RNFT2: variants seen among roughly 807,000 people sequenced by gnomAD.
RNFT2 encodes the protein ring finger protein, transmembrane 2.
Under a neutral mutation model 53.0 loss-of-function variants are expected in RNFT2, and 36 were observed. The observed-to-expected ratio is 0.68, with a 90% confidence interval of 0.52 to 0.90. RNFT2 has a LOEUF of 0.90. Ranked by LOEUF, RNFT2 falls within the 40% of genes least tolerant of loss-of-function variation. The pLI is 0.00. For missense variants in RNFT2, 514 were observed against 585.6 expected, an observed-to-expected ratio of 0.88 and a Z score of 1.26; for synonymous variants, 260 against 253.2, an observed-to-expected ratio of 1.03 and a Z score of -0.26.
In RNFT2 at chr12:116,844,126, A is replaced by G. The variant is rs183258516; in HGVS notation, c.1201-5188A>G. On this transcript the variant is annotated intron_variant, in intron 10 of 10. Coordinates refer to ENST00000257575, the MANE Select transcript of RNFT2 (RefSeq NM_001382266.1). ...TTGGCCTTTTCACTCTGGTTCTTTC[A>G]TGAGTATACAGTGGAGTTTTCCAGA... 3.9e-5 allele frequency among the ~76,000 whole-genome samples: 6 copies of G among 152,262 alleles called. No individual in the cohort carries two copies. The East Asian group carries it at 7.7e-4, about 20-fold the overall frequency.
Position 116,743,247 on chromosome 12 carries a change from G to GAAAAAAAAAAAAAAAA in RNFT2, c.83+2153_83+2154insAAAAAAAAAAAAAAAA, listed in dbSNP as rs1566066807. On this transcript the variant is annotated intron_variant, in intron 3 of 10. Coordinates refer to ENST00000257575, the MANE Select transcript of RNFT2 (RefSeq NM_001382266.1). Reference sequence around the variant, plus strand: ...AAAAAAAAAAAAAAAAAAAAAAACCGGTTAAAAAACACTCATGAGCTAGAA... The same window carrying GAAAAAAAAAAAAAAAA: ...AAAAAAAAAAAAAAAAAAAAAAACCGAAAAAAAAAAAAAAAAGTTAAAAAACACTCATGAGCTAGAA... Among the ~76,000 whole-genome samples the GAAAAAAAAAAAAAAAA allele has an allele frequency of 4.7e-4, 29 of 61,554 alleles. 2 individuals are homozygous for GAAAAAAAAAAAAAAAA. Among genetic ancestry groups the GAAAAAAAAAAAAAAAA allele is most frequent in the Admixed American group, 1.0e-3 (4 of 3,910 alleles). 40.4% of individuals were successfully genotyped at this position (61,554 alleles called of 152,430 possible). A position where few individuals can be genotyped will look rare whatever the true frequency, so the allele number is the denominator to read the frequency against.
intron 10 of RNFT2, among the ~76,000 whole-genome samples, chr12:116,845,000 T>G (rs765800893): frequency 5.3e-5 from 8 of 152,054 alleles, no homozygotes; most frequent in Non-Finnish European, 1.2e-4. Context: ...CCCAGCACTT[T>G]GAGAGGCCAA....
At chr12:116,820,031 TTTG>T (rs1311566665) in intron 7 of RNFT2, among the ~76,000 whole-genome samples, 2 of 152,204 alleles carry the variant, frequency 1.3e-5, no homozygotes, top group African/African-American at 4.8e-5. Flanking sequence ...TATTTTACCT[TTTG>T]TTGTTTTTCT....
At chr12:116,802,932 C>CA (rs60974249) in intron 7 of RNFT2, among the ~76,000 whole-genome samples, 8,673 of 140,750 alleles carry the variant, frequency 0.062, 409 homozygotes, top group East Asian at 0.2. Flanking sequence ...CTGTCTCTAC[C>CA]AAAAAAAAAA....
At chr12:116,752,910 A>G (rs528238089) in intron 4 of RNFT2, among the ~76,000 whole-genome samples, 54 of 152,254 alleles carry the variant, frequency 3.5e-4, no homozygotes, top group African/African-American at 1.2e-3. Context: ...CAGGTGAAAG[A>G]GGAATCCTGT....
intron 5 of RNFT2, among the ~76,000 whole-genome samples, chr12:116,763,689 G>GAATGGCGTGAACC (rs1263279954): frequency 6.6e-6 from 1 of 151,094 alleles, no homozygotes; most frequent in Non-Finnish European, 1.5e-5. Flanking sequence ...TGAGGCAGGA[G>GAATGGCGTGAACC]AATGGCGTGA....
intron 7 of RNFT2, among the ~76,000 whole-genome samples, chr12:116,817,553 T>C (rs1047985841): frequency 6.6e-6 from 1 of 152,234 alleles, no homozygotes; most frequent in Non-Finnish European, 1.5e-5. Flanking sequence ...TCAGTTCCTC[T>C]GATTTTCCTC....
At chr12:116,762,207 C>T (rs893256007) in intron 5 of RNFT2, among the ~76,000 whole-genome samples, 2 of 151,820 alleles carry the variant, frequency 1.3e-5, no homozygotes, top group African/African-American at 4.8e-5. Flanking sequence ...GGTGAAACCC[C>T]GTCTCTACTA....
chr12:116,740,712 CT>C, intron 2 of RNFT2, 191 bp downstream of exon 2: 1 of 653,056 alleles, frequency 1.5e-6, no homozygotes, highest in South Asian at 1.7e-5. Context: ...TCCATGTCTC[CT>C]GCCAGTCCGC....
At chr12:116,824,451 A>G (rs1469379644) in intron 7 of RNFT2, among the ~76,000 whole-genome samples, 3 of 152,178 alleles carry the variant, frequency 2.0e-5, no homozygotes, top group Non-Finnish European at 4.4e-5. Flanking sequence ...TCTCTTTCTC[A>G]TGTAAAGGCC....
intron 7 of RNFT2, among the ~76,000 whole-genome samples, chr12:116,792,394 C>A (rs1874285328): frequency 6.6e-6 from 1 of 152,012 alleles, no homozygotes; most frequent in Non-Finnish European, 1.5e-5. Context: ...TCCTCCTAAA[C>A]CATTCACATA....
intron 6 of RNFT2, among the ~76,000 whole-genome samples, chr12:116,768,891 C>G (rs553860453): frequency 6.6e-6 from 1 of 151,702 alleles, no homozygotes; most frequent in Admixed American, 6.6e-5. Context: ...CCACTACGCC[C>G]GGCTAATTTT....
At chr12:116,782,188 C>T (rs1385483842) in intron 7 of RNFT2, 1 of 150,700 alleles carries the variant, frequency 6.6e-6, no homozygotes, top group Non-Finnish European at 1.5e-5. Context: ...CACACAAATT[C>T]ATGAAGCATT....
chr12:116,806,428 A>AGATAGATT (rs1287749257), intron 7 of RNFT2, among the ~76,000 whole-genome samples: 8 of 151,576 alleles, frequency 5.3e-5, no homozygotes, highest in African/African-American at 1.7e-4. Flanking sequence ...ATAGATAGAT[A>AGATAGATT]GATTCATCTA....
At chr12:116,797,538 CAA>C (rs200259830) in intron 7 of RNFT2, among the ~76,000 whole-genome samples, 9 of 131,080 alleles carry the variant, frequency 6.9e-5, no homozygotes, top group Admixed American at 7.8e-5. Flanking sequence ...CTGTCTATCT[CAA>C]AAAAAAAAAA....
At chr12:116,848,328 T>G (rs904044923) in intron 10 of RNFT2, among the ~76,000 whole-genome samples, 6 of 152,158 alleles carry the variant, frequency 3.9e-5, no homozygotes, top group Non-Finnish European at 5.9e-5. Context: ...TATCTGTTTA[T>G]CGTAGCACTA....
rs529829453 is a variant in RNFT2 at position 116,816,458 on chromosome 12, T to TC, written c.883-17329dup. Among the ~76,000 whole-genome samples the TC allele has an allele frequency of 8.6e-5, 13 of 151,952 alleles. No individual in the cohort carries two copies. In the South Asian group the frequency reaches 2.7e-3, roughly 32 times the overall value. On this transcript the variant is annotated intron_variant, in intron 7 of 10. Transcript: ENST00000257575. Reference sequence around the variant, plus strand: ...ACCAGAGGCGATCGCGGCCTCCTCCTCCCCCTCCTCGCCAGAAGAGCAGAG... The same window carrying TC: ...ACCAGAGGCGATCGCGGCCTCCTCCTCCCCCCTCCTCGCCAGAAGAGCAGAG...
intron 6 of RNFT2, among the ~76,000 whole-genome samples, chr12:116,769,990 G>T (rs150661326): frequency 6.6e-6 from 1 of 152,118 alleles, no homozygotes; most frequent in Non-Finnish European, 1.5e-5. Context: ...AGCCAAAATC[G>T]TGCCACTGCA....
chr12:116,835,419 G>GT (rs977119122), intron 8 of RNFT2, among the ~76,000 whole-genome samples: 3 of 152,098 alleles, frequency 2.0e-5, no homozygotes, highest in Non-Finnish European at 4.4e-5. Context: ...CAAATCAGAG[G>GT]TTTTTTTACC....
Sources: allele counts gnomAD v4.1 joint callset (sites outside exome capture counted in the v4.1 genomes callset), GRCh38; gene constraint gnomAD v4.1.1; transcripts MANE v1.5; gene names NCBI Gene and HGNC (gene_info 2026-07-23, HGNC 2026-07-21).